The following COL9A3 variants were observed in gnomAD, a reference collection of about 807,000 sequenced individuals.
The protein encoded by COL9A3 is collagen alpha-3(IX) chain.
In COL9A3, 82 loss-of-function variants were observed where a neutral mutation model predicts 110.2. The ratio of observed to expected loss-of-function variants is 0.74; its 90% CI spans 0.62 to 0.89. The LOEUF is 0.89. Among genes scored for constraint, COL9A3 ranks in the 40% least tolerant of loss-of-function variants. The probability of loss-of-function intolerance (pLI) is 0.00; values close to 1 mark genes in which losing one functional copy is unlikely to be tolerated. For synonymous variants in COL9A3, 494 were observed against 403.8 expected (o/e 1.22, Z -2.68); for missense variants, 1,066 against 981.3 (o/e 1.09, Z -1.15).
chr20:62,836,142 G>T (rs746637315), intron 27 of COL9A3, 45 bp from the exon 28 acceptor site: 1 of 1,605,976 alleles, frequency 6.2e-7, no homozygotes, highest in Admixed American at 1.7e-5. Flanking sequence ...GTGGCTCTGG[G>T]CTCCTGGGCT....
At chr20:62,820,177 C>A (rs1044318261) in intron 5 of COL9A3, among the ~76,000 whole-genome samples, 195 bp downstream of exon 5, 5 of 151,988 alleles carry the variant, frequency 3.3e-5, no homozygotes, top group African/African-American at 1.2e-4. Context: ...TGCCTCACCT[C>A]CACGTATGGT....
chr20:62,833,412 T>G (rs955570133), intron 26 of COL9A3, among the ~76,000 whole-genome samples: 2 of 152,206 alleles, frequency 1.3e-5, no homozygotes, highest in Admixed American at 6.5e-5. Flanking sequence ...GGGTTTCTTG[T>G]TTTTTGTTTT....
rs148939343 is a variant in COL9A3, at chr20:62,840,688, G to A, written c.2011G>A (p.Val671Met). 4.4e-4 allele frequency: 699 copies of A among 1,599,536 alleles called. 4 individuals carry two copies. The highest frequency in any genetic ancestry group is 2.0e-4 in the East Asian group (9 of 44,374). Residue 671 changes from valine to methionine, a missense_variant, in exon 32 of 32, where the codon GTG becomes ATG. By Grantham distance (21) the Val-to-Met change is conservative (BLOSUM62 1). Transcript: ENST00000649368. Reference sequence around the variant, plus strand: ...CGACACCTCAGCCTGCCAAGGAGCCGTGTTAGGAGGGGTCGGGGAGAAATC... The same window carrying A: ...CGACACCTCAGCCTGCCAAGGAGCCATGTTAGGAGGGGTCGGGGAGAAATC... ...ICDTSACQGA[V>M]LGGVGEKSGS...
At chr20:62,826,067 C>G (rs1234029532) in intron 13 of COL9A3, 137 bp from the exon 14 acceptor site, 1 of 1,125,564 alleles carries the variant, frequency 8.9e-7, no homozygotes, top group Non-Finnish European at 1.3e-6. Context: ...CCCCCTCCCT[C>G]TGGGGGACCT....
chr20:62,838,757 C>T lies in COL9A3; in HGVS notation c.1860C>T (p.Pro620=). Reference sequence around the variant, plus strand: ...ACGGGCCTGAAGGAGACCAGGGGCCCCAAGGTACGAGTCCACGGCCAGCAA... The same window carrying T: ...ACGGGCCTGAAGGAGACCAGGGGCCTCAAGGTACGAGTCCACGGCCAGCAA... ...GLDGPEGDQG[P]QGPQGVPGTS... is the part of the protein sequence containing the mutation. The change falls in exon 31 of 32, where the codon CCC becomes CCT. Residue 620 remains proline (P), a synonymous_variant. Transcript: ENST00000649368. The T allele has an allele frequency of 6.4e-7, 1 of 1,551,644 alleles. No individual in the cohort carries two copies. The highest frequency in any genetic ancestry group is 8.7e-7 in the Non-Finnish European group (1 of 1,146,986).
rs1317375925 is a variant in COL9A3, at chr20:62,840,773, A to G, written c.*41A>G. 1.3e-6 allele frequency: 2 copies of G among 1,549,522 alleles called. No individual in the cohort carries two copies. Among genetic ancestry groups the G allele is most frequent in the South Asian group, 2.4e-5 (2 of 84,046 alleles). The stretch of plus-strand genomic sequence containing the variant: ...AGCAAGTGACAAGGACGCCCGAAGC[A>G]CAGTGGACGGTCATGAAGGAGCGGG... On this transcript the variant is annotated 3_prime_UTR_variant, in exon 32 of 32. Transcript: ENST00000649368.
At chr20:62,828,738 G>C (rs750847238) in intron 17 of COL9A3, 26 bp from the exon 18 acceptor site, 5 of 1,611,976 alleles carry the variant, frequency 3.1e-6, no homozygotes, top group South Asian at 1.1e-5. Context: ...ACTGCCCGAC[G>C]GGCCTTACTC....
At chr20:62,817,240 C>T in intron 1 of COL9A3, 98 bp downstream of exon 1, 1 of 918,498 alleles carries the variant, frequency 1.1e-6, no homozygotes. Flanking sequence ...CCTCGACGCC[C>T]CCAGCCCGTG....
chr20:62,827,897 G>A (rs752756305), intron 16 of COL9A3, 26 bp from the exon 17 acceptor site: 1 of 1,612,420 alleles, frequency 6.2e-7, no homozygotes, highest in South Asian at 1.1e-5. Context: ...GACTGCCACT[G>A]CTTCTGTCAC....
intron 9 of COL9A3, 50 bp downstream of exon 9, chr20:62,822,214 C>G (rs751006072): frequency 2.9e-6 from 3 of 1,044,380 alleles, no homozygotes; most frequent in South Asian, 2.5e-5. Flanking sequence ...GACTAGGACA[C>G]TGGGTTGGAC....
chr20:62,825,720 C>T, intron 12 of COL9A3, 97 bp from the exon 13 acceptor site: 1 of 1,272,612 alleles, frequency 7.9e-7, no homozygotes, highest in Non-Finnish European at 1.1e-6. Context: ...GGGGCAACAC[C>T]CCCAGCTGCT....
chr20:62,824,843 G>A (rs563367238), intron 11 of COL9A3, 125 bp from the exon 12 acceptor site: 324 of 1,046,852 alleles, frequency 3.1e-4, no homozygotes, highest in Non-Finnish European at 4.2e-4. Context: ...GCCCAGACCC[G>A]CGGTCCTGTG....
intron 30 of COL9A3, 33 bp downstream of exon 30, chr20:62,837,298 G>T (rs1368377278): frequency 7.5e-6 from 12 of 1,599,008 alleles, no homozygotes; most frequent in Non-Finnish European, 1.0e-5. Flanking sequence ...CGGTCACCCT[G>T]CTGTAAAAAT....
At position 62,824,950 on chromosome 20, in the gene COL9A3, C is replaced by A. The variant is rs1441504890; in HGVS notation, c.577-18C>A. 1 of 1,606,822 alleles carries A rather than the reference C, an allele frequency of 6.2e-7. No homozygotes were observed. Among genetic ancestry groups the A allele is most frequent in the Admixed American group, 1.7e-5 (1 of 59,330 alleles). ...TCGGGGGGTCTGGGTGGGGCAGTGA[C>A]CCCACATTTGCTTGCAGGGACCCAC... On this transcript the variant is annotated intron_variant, in intron 11 of 31. Transcript: ENST00000649368.
At chr20:62,838,591 C>T in intron 30 of COL9A3, 93 bp from the exon 31 acceptor site, 1 of 1,142,400 alleles carries the variant, frequency 8.8e-7, no homozygotes, top group Non-Finnish European at 1.3e-6. Flanking sequence ...GAAAAGCTGG[C>T]ACCCTGTTTG....
intron 17 of COL9A3, 115 bp from the exon 18 acceptor site, chr20:62,828,649 G>A (rs1347939387): frequency 6.7e-6 from 8 of 1,192,782 alleles, no homozygotes; most frequent in South Asian, 2.5e-5. Flanking sequence ...CTGCCAGGGT[G>A]TGGGGGCAGA....
rs149677189 is a variant in COL9A3 at position 62,821,463 on chromosome 20, C to T, written c.346-44C>T. ...TCTTAGGGAGGGGTGAGGCGCAGCC[C>T]TTCTTGTGCCTGGCAGGCTCTGACC... On this transcript the variant is annotated intron_variant, in intron 6 of 31. Coordinates refer to ENST00000649368, the MANE Select transcript of COL9A3 (RefSeq NM_001853.4). 156 of 1,612,532 alleles carry T rather than the reference C, an allele frequency of 9.7e-5. No individual in the cohort carries two copies. The East Asian group carries it at 2.4e-3, about 24-fold the overall frequency.
intron 17 of COL9A3, 102 bp from the exon 18 acceptor site, chr20:62,828,662 C>T (rs2063572280): frequency 2.3e-6 from 3 of 1,322,870 alleles, no homozygotes; most frequent in African/African-American, 1.4e-5. Context: ...GGGGCAGACA[C>T]AGTTTTAGGT....
chr20:62,839,230 C>CAAA (rs10664760), intron 31 of COL9A3, among the ~76,000 whole-genome samples: 20 of 144,898 alleles, frequency 1.4e-4, no homozygotes, highest in South Asian at 2.2e-4. Context: ...GACTCCATCT[C>CAAA]AAAAAAAAAA....
Sources: gnomAD v4.1 joint callset for allele counts (sites outside exome capture counted in the v4.1 genomes callset) on GRCh38, gnomAD v4.1.1 for gene constraint, MANE v1.5 for transcripts, NCBI Gene and HGNC (gene_info 2026-07-23, HGNC 2026-07-21) for gene names.